ZDHHC14: variants seen among roughly 807,000 people sequenced by gnomAD.
The protein encoded by ZDHHC14 is zDHHC palmitoyltransferase 14, also known as palmitoyltransferase ZDHHC14.
Under a neutral mutation model 47.7 loss-of-function variants are expected in ZDHHC14, and 16 were observed. The ratio of observed to expected loss-of-function variants is 0.34; its 90% confidence interval spans 0.23 to 0.51. The LOEUF is 0.51. Ranked by LOEUF, ZDHHC14 falls within the 20% of genes least tolerant of loss-of-function variation. ZDHHC14 has a pLI of 0.97. For synonymous variants in ZDHHC14, 293 were observed against 278.9 expected, an observed-to-expected ratio of 1.05 and a Z score of -0.50; for missense variants, 515 against 662.5, an observed-to-expected ratio of 0.78 and a Z score of 2.44.
At chr6:157,383,954 C>T (rs982540891) in intron 1 of ZDHHC14, among the ~76,000 whole-genome samples, 18 of 152,212 alleles carry the variant, frequency 1.2e-4, no homozygotes, top group Non-Finnish European at 1.9e-4. Context: ...CATGAGTTTA[C>T]GTTATCTGTT....
chr6:157,409,275 G>A (rs1460349875), intron 1 of ZDHHC14, among the ~76,000 whole-genome samples: 4 of 152,152 alleles, frequency 2.6e-5, no homozygotes, highest in Admixed American at 6.5e-5. Flanking sequence ...CCGGGGGTGC[G>A]GACCTCTGAG....
At chr6:157,484,063 G>A (rs1009989943) in intron 1 of ZDHHC14, among the ~76,000 whole-genome samples, 1 of 151,690 alleles carries the variant, frequency 6.6e-6, no homozygotes, top group Non-Finnish European at 1.5e-5. Flanking sequence ...AATACCTCAT[G>A]TTTTAACTTA....
At chr6:157,424,499 T>C (rs1778176547) in intron 1 of ZDHHC14, among the ~76,000 whole-genome samples, 1 of 152,172 alleles carries the variant, frequency 6.6e-6, no homozygotes, top group Non-Finnish European at 1.5e-5. Flanking sequence ...TCTGAGGCTT[T>C]CTGAGCTTGA....
chr6:157,580,121 T>G (rs1292782214), intron 2 of ZDHHC14, among the ~76,000 whole-genome samples: 1 of 152,208 alleles, frequency 6.6e-6, no homozygotes, highest in Non-Finnish European at 1.5e-5. Flanking sequence ...TATTCACATC[T>G]CTTTTATTTC....
intron 1 of ZDHHC14, among the ~76,000 whole-genome samples, chr6:157,515,686 C>T (rs890411914): frequency 6.6e-6 from 1 of 151,592 alleles, no homozygotes; most frequent in Admixed American, 6.6e-5. Context: ...TGGATGGTCT[C>T]GATCTCCTGA....
chr6:157,545,207 T>C (rs571489981), intron 2 of ZDHHC14, among the ~76,000 whole-genome samples: 82 of 151,632 alleles, frequency 5.4e-4, no homozygotes, highest in Non-Finnish European at 1.2e-3. Context: ...AGGGTAGGAG[T>C]GCAGGTTAAC....
At chr6:157,397,437 G>A (rs898550103) in intron 1 of ZDHHC14, among the ~76,000 whole-genome samples, 2 of 152,136 alleles carry the variant, frequency 1.3e-5, no homozygotes, top group African/African-American at 2.4e-5. Context: ...CTCTTTCCTT[G>A]CCTTTTTCGG....
chr6:157,476,784 A>G (rs1171591394), intron 1 of ZDHHC14, among the ~76,000 whole-genome samples: 1 of 152,244 alleles, frequency 6.6e-6, no homozygotes, highest in Non-Finnish European at 1.5e-5. Flanking sequence ...ACACCACATT[A>G]ACAGAATAAA....
At chr6:157,410,291 T>C (rs953625938) in intron 1 of ZDHHC14, among the ~76,000 whole-genome samples, 12 of 152,202 alleles carry the variant, frequency 7.9e-5, no homozygotes, top group Admixed American at 6.5e-4. Context: ...ACTTATTTTG[T>C]ATTCATCTTC....
chr6:157,461,812 C>A (rs1779093612), intron 1 of ZDHHC14, among the ~76,000 whole-genome samples: 2 of 152,182 alleles, frequency 1.3e-5, no homozygotes, highest in Non-Finnish European at 2.9e-5. Flanking sequence ...CCGCTGGGTG[C>A]ACTGCCACAG....
At chr6:157,539,668 C>T (rs1429456039) in intron 1 of ZDHHC14, among the ~76,000 whole-genome samples, 1 of 152,150 alleles carries the variant, frequency 6.6e-6, no homozygotes, top group Non-Finnish European at 1.5e-5. Flanking sequence ...GTTTAACCAT[C>T]TCCTAGACCC....
At chr6:157,496,834 C>T (rs977905058) in intron 1 of ZDHHC14, among the ~76,000 whole-genome samples, 6 of 152,348 alleles carry the variant, frequency 3.9e-5, no homozygotes, top group South Asian at 2.1e-4. Context: ...CCAATACACA[C>T]GCCGACCTGC....
At chr6:157,457,804 A>C (rs1017814638) in intron 1 of ZDHHC14, among the ~76,000 whole-genome samples, 1 of 152,066 alleles carries the variant, frequency 6.6e-6, no homozygotes, top group East Asian at 1.9e-4. Flanking sequence ...GGCCTCTACC[A>C]CTTGCGCCCT....
At chr6:157,471,601 C>T (rs1779357079) in intron 1 of ZDHHC14, among the ~76,000 whole-genome samples, 1 of 152,148 alleles carries the variant, frequency 6.6e-6, no homozygotes, top group South Asian at 2.1e-4. Flanking sequence ...TTCGAGGGCC[C>T]GAAATAGCTG....
chr6:157,658,165 G>C (rs1778185356), intron 8 of ZDHHC14, among the ~76,000 whole-genome samples: 1 of 152,154 alleles, frequency 6.6e-6, no homozygotes, highest in African/African-American at 2.4e-5. Context: ...AAATAATAGA[G>C]ATGACTGGCA....
intron 1 of ZDHHC14, among the ~76,000 whole-genome samples, chr6:157,464,771 G>A (rs149087988): frequency 7.9e-5 from 12 of 152,324 alleles, no homozygotes; most frequent in South Asian, 6.2e-4. Flanking sequence ...TCAGCTGGGC[G>A]TTGTCTGGTT....
chr6:157,470,820 A>G (rs1020011432), intron 1 of ZDHHC14, among the ~76,000 whole-genome samples: 1 of 152,184 alleles, frequency 6.6e-6, no homozygotes, highest in Non-Finnish European at 1.5e-5. Flanking sequence ...TGGGCAAGAG[A>G]TAAGTTTAAG....
intron 5 of ZDHHC14, among the ~76,000 whole-genome samples, chr6:157,635,028 C>T (rs538719472): frequency 6.6e-5 from 10 of 151,990 alleles, no homozygotes; most frequent in African/African-American, 2.4e-4. Flanking sequence ...GAGTCTCACT[C>T]TGTCGCCCAG....
intron 1 of ZDHHC14, among the ~76,000 whole-genome samples, chr6:157,484,482 A>ACACG (rs1779729792): frequency 1.1e-5 from 1 of 91,940 alleles, no homozygotes; most frequent in African/African-American, 5.2e-5. Flanking sequence ...ATTTATATAT[A>ACACG]CACACACAAA....
Sources: gnomAD v4.1 joint callset for allele counts (sites outside exome capture counted in the v4.1 genomes callset) on GRCh38, gnomAD v4.1.1 for gene constraint, MANE v1.5 for transcripts, NCBI Gene and HGNC (gene_info 2026-07-23, HGNC 2026-07-21) for gene names.